The following LNP1 variants were observed in gnomAD, a reference collection of about 807,000 sequenced individuals.
The protein encoded by LNP1 is leukemia NUP98 fusion partner 1.
In LNP1, 12 loss-of-function variants were observed where a neutral mutation model predicts 14.5. The ratio of observed to expected loss-of-function variants is 0.83; its 90% CI spans 0.53 to 1.34. The LOEUF (loss-of-function observed/expected upper bound fraction) is 1.34, where lower values mean the gene tolerates loss of function less well. LNP1 is among the 40% of genes most tolerant of loss of function. The pLI is 0.00. For missense variants in LNP1, 198 were observed against 210.9 expected, an observed-to-expected ratio of 0.94 and a Z score of 0.38; for synonymous variants, 75 against 71.4, an observed-to-expected ratio of 1.05 and a Z score of -0.26.
chr3:100,406,194 G>A (rs988280899), intron 1 of LNP1, among the ~76,000 whole-genome samples: 4 of 152,100 alleles, frequency 2.6e-5, no homozygotes, highest in Non-Finnish European at 5.9e-5. Flanking sequence ...GCTGAGGCAG[G>A]AGAATCGCTT....
At chr3:100,444,988 A>C (rs1707375271) in intron 2 of LNP1, among the ~76,000 whole-genome samples, 1 of 152,124 alleles carries the variant, frequency 6.6e-6, no homozygotes, top group Non-Finnish European at 1.5e-5. Context: ...TTATAGGGGA[A>C]CTGGCTAGGT....
intron 1 of LNP1, among the ~76,000 whole-genome samples, chr3:100,403,100 C>T (rs76138366): frequency 0.012 from 1,768 of 152,270 alleles, 11 homozygotes; most frequent in Non-Finnish European, 0.019. Context: ...AATAGAGTGT[C>T]GCTTACTGGC....
chr3:100,416,637 G>T (rs989513963), intron 1 of LNP1, among the ~76,000 whole-genome samples: 3 of 150,444 alleles, frequency 2.0e-5, no homozygotes, highest in Non-Finnish European at 4.4e-5. Context: ...GTGTGTGTGT[G>T]TGTGTGTGTG....
At chr3:100,431,828 CAAAAA>C (rs761853159) in intron 2 of LNP1, among the ~76,000 whole-genome samples, 2 of 65,316 alleles carry the variant, frequency 3.1e-5, no homozygotes, top group African/African-American at 5.5e-5. Flanking sequence ...CTCCGTCTCT[CAAAAA>C]AAAAAAAAAA....
intron 1 of LNP1, among the ~76,000 whole-genome samples, chr3:100,426,474 A>G (rs1213256466): frequency 6.6e-6 from 1 of 152,238 alleles, no homozygotes; most frequent in African/African-American, 2.4e-5. Flanking sequence ...AGTCCAATTG[A>G]CAAGAAATGT....
intron 2 of LNP1, among the ~76,000 whole-genome samples, chr3:100,446,499 A>G (rs1707387703): frequency 6.6e-6 from 1 of 152,218 alleles, no homozygotes; most frequent in African/African-American, 2.4e-5. Context: ...TAAAAACCCT[A>G]GAAGAAAACC....
chr3:100,427,313 C>A (rs1707202625), intron 1 of LNP1, among the ~76,000 whole-genome samples: 3 of 152,010 alleles, frequency 2.0e-5, no homozygotes, highest in South Asian at 4.1e-4. Context: ...AGAACAAAAC[C>A]CAAAGGCATC....
chr3:100,434,396 G>C (rs538650521), intron 2 of LNP1, among the ~76,000 whole-genome samples: 65 of 152,228 alleles, frequency 4.3e-4, no homozygotes, highest in African/African-American at 1.6e-3. Flanking sequence ...TCTTATTTCT[G>C]AGTTCTTTAT....
intron 1 of LNP1, among the ~76,000 whole-genome samples, chr3:100,427,832 A>G (rs1707208884): frequency 6.6e-6 from 1 of 152,260 alleles, no homozygotes; most frequent in South Asian, 2.1e-4. Context: ...TCCAGCAATG[A>G]GTTGTGATAA....
At chr3:100,416,732 TTA>T (rs60822049) in intron 1 of LNP1, among the ~76,000 whole-genome samples, 24,384 of 143,674 alleles carry the variant, frequency 0.17, 2,576 homozygotes, top group Non-Finnish European at 0.23. Flanking sequence ...TTTTTTTTTT[TTA>T]CATTAAGTTC....
At chr3:100,414,807 C>A (rs924941281) in intron 1 of LNP1, among the ~76,000 whole-genome samples, 3 of 152,158 alleles carry the variant, frequency 2.0e-5, no homozygotes, top group African/African-American at 7.2e-5. Flanking sequence ...ACTTGGAAGA[C>A]ACATGAGCCT....
chr3:100,423,249 G>A (rs1407118425), intron 1 of LNP1, among the ~76,000 whole-genome samples: 1 of 152,132 alleles, frequency 6.6e-6, no homozygotes, highest in Non-Finnish European at 1.5e-5. Context: ...AGTCAAGCTT[G>A]AAATCAGTAA....
At chr3:100,449,771 G>T (rs1204861860) in intron 2 of LNP1, among the ~76,000 whole-genome samples, 3 of 151,974 alleles carry the variant, frequency 2.0e-5, no homozygotes, top group Non-Finnish European at 4.4e-5. Context: ...TTTAGTCATT[G>T]AGCTCCTTAA....
intron 2 of LNP1, among the ~76,000 whole-genome samples, chr3:100,441,498 A>G (rs868853795): frequency 1.3e-5 from 2 of 152,064 alleles, no homozygotes; most frequent in Admixed American, 6.6e-5. Context: ...ATCTCTTTTT[A>G]TTTGTGTGAG....
chr3:100,434,246 G>T (rs1470893649), intron 2 of LNP1, among the ~76,000 whole-genome samples: 1 of 152,176 alleles, frequency 6.6e-6, no homozygotes, highest in South Asian at 2.1e-4. Context: ...TTTTGTAAAA[G>T]GTGTAAGGAA....
At chr3:100,420,493 A>AT (rs903513792) in intron 1 of LNP1, among the ~76,000 whole-genome samples, 82 of 151,984 alleles carry the variant, frequency 5.4e-4, no homozygotes, top group African/African-American at 1.9e-3. Flanking sequence ...TTTAAAAAAA[A>AT]TTTTATAGAG....
chr3:100,428,935 A>G (rs1707219231), intron 1 of LNP1, among the ~76,000 whole-genome samples: 1 of 152,214 alleles, frequency 6.6e-6, no homozygotes, highest in African/African-American at 2.4e-5. Context: ...CAGATCATTA[A>G]TGGTAAACTT....
intron 1 of LNP1, among the ~76,000 whole-genome samples, chr3:100,426,130 T>A (rs771771266): frequency 1.3e-5 from 2 of 152,242 alleles, no homozygotes; most frequent in African/African-American, 4.8e-5. Context: ...TCATCATTTC[T>A]GGTGCAACTA....
intron 1 of LNP1, among the ~76,000 whole-genome samples, chr3:100,418,883 C>G (rs147125954): frequency 3.9e-4 from 59 of 152,300 alleles, no homozygotes; most frequent in African/African-American, 1.3e-3. Context: ...TTGGAGAGAA[C>G]AAATCCCTCC....
Sources: allele counts gnomAD v4.1 joint callset (sites outside exome capture counted in the v4.1 genomes callset), GRCh38; gene constraint gnomAD v4.1.1; transcripts MANE v1.5; gene names NCBI Gene and HGNC (gene_info 2026-07-23, HGNC 2026-07-21).